The following GRP variants were observed in gnomAD, a reference collection of about 807,000 sequenced individuals.
GRP encodes gastrin-releasing peptide.
GRP carries 11 observed loss-of-function variants against 12.7 expected under a neutral mutation model. The ratio of observed to expected loss-of-function variants is 0.87; its 90% CI spans 0.55 to 1.44. GRP has a LOEUF of 1.44. GRP is among the 40% of genes most tolerant of loss of function. The pLI is 0.00. For missense variants in GRP, 212 were observed against 185.4 expected, an observed-to-expected ratio of 1.14 and a Z score of -0.83; for synonymous variants, 84 against 77.7, an observed-to-expected ratio of 1.08 and a Z score of -0.43.
At chr18:59,228,498 A>C (rs1168523617) in intron 2 of GRP, among the ~76,000 whole-genome samples, 1 of 152,192 alleles carries the variant, frequency 6.6e-6, no homozygotes, top group Non-Finnish European at 1.5e-5. Flanking sequence ...ACTCTCTTGG[A>C]GCTGTGGTTA....
intron 1 of GRP, among the ~76,000 whole-genome samples, chr18:59,224,317 G>A (rs1457557448): frequency 3.3e-5 from 5 of 152,116 alleles, no homozygotes; most frequent in African/African-American, 4.8e-5. Flanking sequence ...ACTGCAAATC[G>A]CAATACACAT....
intron 1 of GRP, among the ~76,000 whole-genome samples, chr18:59,224,100 C>T (rs1349259684): frequency 6.6e-6 from 1 of 152,146 alleles, no homozygotes; most frequent in African/African-American, 2.4e-5. Flanking sequence ...ATCCTTATTT[C>T]CAGATCCCAG....
rs146673900 is a variant in GRP at position 59,225,532 on chromosome 18, T to C, written c.180T>C (p.Ser60=). 3.1e-6 allele frequency: 5 copies of C among 1,614,010 alleles called. No homozygotes were observed. The highest frequency in any genetic ancestry group is 4.2e-6 in the Non-Finnish European group (5 of 1,179,860). ...AAAAGAGCACAGGGGAGTCTTCTTCTGTTTCTGAGAGAGGGAGCCTGAAGC... is the reference window on the plus strand; with the variant it reads ...AAAAGAGCACAGGGGAGTCTTCTTCCGTTTCTGAGAGAGGGAGCCTGAAGC... ...MGKKSTGESS[S]VSERGSLKQQ... Residue 60 remains serine, a synonymous_variant, in exon 2 of 3, where the codon TCT becomes TCC. Transcript: ENST00000256857.
rs572085902 is a variant in GRP, at chr18:59,230,056, T to C, written c.383-348T>C. Among the ~76,000 whole-genome samples the C allele has an allele frequency of 1.1e-3, 160 of 152,320 alleles. 2 individuals are homozygous for C. Among genetic ancestry groups the C allele is most frequent in the African/African-American group, 3.8e-3 (156 of 41,572 alleles). ...CCTGGGGATAATACATTAACCAACA[T>C]TGGTTGAAACATACCTGAGTAATCA... is the stretch of plus-strand genomic sequence containing the variant. On this transcript the variant is annotated intron_variant, in intron 2 of 2. Transcript: ENST00000256857.
rs34258044 is a variant in GRP, at chr18:59,226,992, CCTTTCTTTCTTTCTTTCTTT to C, written c.382+1302_382+1321del. Among the ~76,000 whole-genome samples the C allele has an allele frequency of 7.6e-3, 818 of 107,876 alleles. 1 individual carries two copies. The highest frequency in any genetic ancestry group is 8.6e-3 in the Non-Finnish European group (458 of 53,276). 70.8% of individuals were successfully genotyped at this position (107,876 alleles called of 152,430 possible). A position where few individuals can be genotyped will look rare whatever the true frequency, so the allele number is the denominator to read the frequency against. On this transcript the variant is annotated intron_variant, in intron 2 of 2. Transcript: ENST00000256857. ...TTCTGGCTATGTGGTTTCTTTTCTT[CCTTTCTTTCTTTCTTTCTTT>C]CTTTCTTTCTTTCTTTCTTTCTTTC...
chr18:59,223,241 A>G (rs1472442213), intron 1 of GRP, among the ~76,000 whole-genome samples: 1 of 152,210 alleles, frequency 6.6e-6, no homozygotes, highest in Non-Finnish European at 1.5e-5. Flanking sequence ...TGATATGGGC[A>G]CTTGACAGAT....
At chr18:59,221,307 C>A (rs1363130193) in intron 1 of GRP, among the ~76,000 whole-genome samples, 1 of 152,176 alleles carries the variant, frequency 6.6e-6, no homozygotes, top group Non-Finnish European at 1.5e-5. Flanking sequence ...GTGCGGAGGG[C>A]GCCTGCGGGT....
At chr18:59,227,008 T>TCTTTCTTTCTTTCTTTCTTTCTTCCTTC (rs2069938706) in intron 2 of GRP, among the ~76,000 whole-genome samples, 3 of 124,872 alleles carry the variant, frequency 2.4e-5, no homozygotes, top group African/African-American at 9.6e-5. Flanking sequence ...TTTCTTTCTT[T>TCTTTCTTTCTTTCTTTCTTTCTTCCTTC]CTTTCTTTCT....
intron 1 of GRP, 59 bp from the exon 2 acceptor site, chr18:59,225,433 A>G (rs1420464849): frequency 6.6e-7 from 1 of 1,512,984 alleles, no homozygotes; most frequent in African/African-American, 1.4e-5. Context: ...TAAATTTCTC[A>G]TTCATTCCCT....
At chr18:59,219,747 C>A (rs1219560239), upstream of GRP, among the ~76,000 whole-genome samples, 2 of 152,146 alleles carry the variant, frequency 1.3e-5, no homozygotes, top group Non-Finnish European at 2.9e-5. Context: ...TCCAGCAAAG[C>A]CCATCCATCT....
intron 2 of GRP, among the ~76,000 whole-genome samples, chr18:59,226,281 G>T (rs2069919596): frequency 6.6e-6 from 1 of 152,118 alleles, no homozygotes; most frequent in South Asian, 2.1e-4. Context: ...ATTTTATAGA[G>T]GATAGGGGAA....
intron 2 of GRP, among the ~76,000 whole-genome samples, chr18:59,227,036 T>TCTTC (rs2069947576): frequency 7.1e-6 from 1 of 140,848 alleles, no homozygotes; most frequent in African/African-American, 2.8e-5. Flanking sequence ...TTTCTTTCTT[T>TCTTC]CTTTCTTTCT....
Position 59,225,512 on chromosome 18 carries a change from A to G in GRP, c.160A>G (p.Ser54Gly). The G allele has an allele frequency of 6.2e-7, 1 of 1,613,292 alleles. No individual in the cohort carries two copies. The highest frequency in any genetic ancestry group is 8.5e-7 in the Non-Finnish European group (1 of 1,179,594). Residue 54 changes from serine (S) to glycine (G), a missense_variant, in exon 2 of 3, where the codon AGC (serine) becomes GGC (glycine). Ser to Gly is a moderately conservative substitution (Grantham distance 56). Transcript: ENST00000256857. ...TACAGGGCACTTAATGGGGAAAAAGAGCACAGGGGAGTCTTCTTCTGTTTC... is the reference window on the plus strand; with the variant it reads ...TACAGGGCACTTAATGGGGAAAAAGGGCACAGGGGAGTCTTCTTCTGTTTC... The part of the protein sequence containing the change: ...WAVGHLMGKK[S>G]TGESSSVSER...
At chr18:59,221,559 G>GTGTGTA (rs2144096911) in intron 1 of GRP, among the ~76,000 whole-genome samples, 1 of 151,804 alleles carries the variant, frequency 6.6e-6, no homozygotes, top group East Asian at 1.9e-4. Flanking sequence ...AGATTTAAGA[G>GTGTGTA]TGTGTATGTG....
At chr18:59,226,392 T>C (rs563860688) in intron 2 of GRP, among the ~76,000 whole-genome samples, 2 of 152,292 alleles carry the variant, frequency 1.3e-5, no homozygotes, top group East Asian at 3.9e-4. Context: ...GAGGTGATTA[T>C]CACTAACTTT....
At chr18:59,225,018 T>C (rs778235348) in intron 1 of GRP, among the ~76,000 whole-genome samples, 2 of 152,164 alleles carry the variant, frequency 1.3e-5, no homozygotes, top group Non-Finnish European at 2.9e-5. Flanking sequence ...AAGAAAAGCA[T>C]GGAGACTTTT....
Position 59,220,228 on chromosome 18 carries a change from GC to G in GRP, c.-36del, listed in dbSNP as rs763782078. On this transcript the variant is annotated 5_prime_UTR_variant, in exon 1 of 3. Transcript: ENST00000256857. Reference sequence around the variant, plus strand: ...GGGTCACCAGTCTCTGCTCTTCCCAGCCTCTCCGGCGCGCTCCAAGGGCTTC... The same window carrying G: ...GGGTCACCAGTCTCTGCTCTTCCCAGCTCTCCGGCGCGCTCCAAGGGCTTC... The G allele has an allele frequency of 2.9e-4, 418 of 1,417,694 alleles. No individual in the cohort carries two copies. Among genetic ancestry groups the G allele is most frequent in the Non-Finnish European group, 3.7e-4 (401 of 1,088,140 alleles). 87.8% of individuals were successfully genotyped at this position (1,417,694 alleles called of 1,614,324 possible). A position where few individuals can be genotyped will look rare whatever the true frequency, so the allele number is the denominator to read the frequency against.
At chr18:59,220,106 C>T (rs1190756625), upstream of GRP, 4 of 352,160 alleles carry the variant, frequency 1.1e-5, no homozygotes, top group Non-Finnish European at 2.1e-5. Context: ...AAGAGCCCCC[C>T]AGCCCCCCCG....
rs547119936 is a variant in GRP, at chr18:59,226,504, G to A, written c.382+770G>A. ...TACGATAATCCAAGTATTGGGCTAAGCAGTTTACCTCCATTTTCTCGGCTT... is the reference window on the plus strand; with the variant it reads ...TACGATAATCCAAGTATTGGGCTAAACAGTTTACCTCCATTTTCTCGGCTT... On this transcript the variant is annotated intron_variant, in intron 2 of 2. Coordinates refer to ENST00000256857, the MANE Select transcript of GRP (RefSeq NM_002091.5). Among the ~76,000 whole-genome samples, 19 of 152,318 alleles carry A rather than the reference G, an allele frequency of 1.2e-4. 2 individuals are homozygous for A. The South Asian group carries it at 3.9e-3, about 32-fold the overall frequency.
Sources: allele counts gnomAD v4.1 joint callset (sites outside exome capture counted in the v4.1 genomes callset), GRCh38; gene constraint gnomAD v4.1.1; transcripts MANE v1.5; gene names NCBI Gene and HGNC (gene_info 2026-07-23, HGNC 2026-07-21).